DAPK2: variants seen among roughly 807,000 people sequenced by gnomAD.
DAPK2 encodes the protein death associated protein kinase 2.
Under a neutral mutation model 44.1 loss-of-function variants are expected in DAPK2, and 35 were observed. The ratio of observed to expected loss-of-function variants is 0.79; its 90% CI spans 0.61 to 1.05. The LOEUF is 1.05. Ranked by LOEUF, DAPK2 falls within the 50% of genes least tolerant of loss-of-function variation. DAPK2 has a pLI of 0.00. For synonymous variants in DAPK2, 174 were observed against 182.6 expected, an observed-to-expected ratio of 0.95 and a Z score of 0.38; for missense variants, 453 against 483.2, an observed-to-expected ratio of 0.94 and a Z score of 0.59.
chr15:63,942,300 T>C (rs1017079049), intron 3 of DAPK2: 3 of 979,096 alleles, frequency 3.1e-6, no homozygotes, highest in African/African-American at 3.5e-5. Flanking sequence ...CATGTAATCC[T>C]AGCACTTTGG....
intron 3 of DAPK2, among the ~76,000 whole-genome samples, chr15:63,961,773 C>T (rs910481721): frequency 3.9e-5 from 6 of 152,174 alleles, no homozygotes; most frequent in African/African-American, 1.4e-4. Context: ...CTGCCATTAA[C>T]ATTTTTTTCC....
At chr15:64,004,082 TTCTC>T (rs143683927) in intron 1 of DAPK2, among the ~76,000 whole-genome samples, 73 of 147,768 alleles carry the variant, frequency 4.9e-4, no homozygotes, top group Non-Finnish European at 8.1e-4. Flanking sequence ...CTTTAGGTTC[TTCTC>T]TCTCTCTCTC....
chr15:64,041,656 C>A (rs139827882), upstream of DAPK2, among the ~76,000 whole-genome samples: 166 of 152,360 alleles, frequency 1.1e-3, 1 homozygote, highest in African/African-American at 3.8e-3. Flanking sequence ...CCCAACCACA[C>A]ATGGGCTCCA....
At position 63,990,640 on chromosome 15, in the gene DAPK2, A is replaced by G. The variant is rs1226375849; in HGVS notation, c.93-6886T>C. Among the ~76,000 whole-genome samples, 1 of 152,176 alleles carries G rather than the reference A, an allele frequency of 6.6e-6. No individual in the cohort carries two copies. Among genetic ancestry groups the G allele is most frequent in the African/African-American group, 2.4e-5 (1 of 41,454 alleles). ...TACCAAATGGGAAGTGTTCCAAAGC[A>G]GAGGGTCGCGGAGACTGGCTTCCTC... On this transcript the variant is annotated intron_variant, in intron 1 of 10. Transcript: ENST00000261891. This position sits in a 1 kb window ranked among gnomAD's most constrained non-coding sequence, Gnocchi z 4.3.
intron 3 of DAPK2, among the ~76,000 whole-genome samples, chr15:63,959,175 G>A (rs2077814869): frequency 6.6e-6 from 1 of 152,180 alleles, no homozygotes; most frequent in East Asian, 1.9e-4. Flanking sequence ...TTGTGTACAA[G>A]AATGCTTGTG....
intron 3 of DAPK2, among the ~76,000 whole-genome samples, chr15:63,947,928 T>C (rs4283175): frequency 0.4 from 60,920 of 151,484 alleles, 12,829 homozygotes; most frequent in African/African-American, 0.46. Flanking sequence ...GCTCTGTGAG[T>C]GAGTCTTGCC....
chr15:63,996,583 T>C (rs1325223779), intron 1 of DAPK2, among the ~76,000 whole-genome samples: 2 of 152,236 alleles, frequency 1.3e-5, no homozygotes, highest in Non-Finnish European at 2.9e-5. Context: ...CCTCTCATCA[T>C]AGGTTGCCTC....
intron 6 of DAPK2, chr15:63,926,348 AAC>A: frequency 2.5e-6 from 1 of 407,784 alleles, no homozygotes. Context: ...AGGGGAGAGA[AAC>A]ACAGAGACAT....
intron 1 of DAPK2, among the ~76,000 whole-genome samples, chr15:64,008,199 A>G (rs1485494929): frequency 1.0e-5 from 1 of 99,108 alleles, no homozygotes; most frequent in East Asian, 8.8e-4. Flanking sequence ...TGAATTGTAT[A>G]TAAATTATAT....
chr15:63,947,014 G>A (rs2077466268), intron 3 of DAPK2, among the ~76,000 whole-genome samples: 1 of 152,008 alleles, frequency 6.6e-6, no homozygotes, highest in South Asian at 2.1e-4. Context: ...TCTTCAGTGT[G>A]GCCCATGCCC....
intron 4 of DAPK2, among the ~76,000 whole-genome samples, chr15:63,934,371 C>T (rs573026509): frequency 6.7e-6 from 1 of 149,964 alleles, no homozygotes; most frequent in Non-Finnish European, 1.5e-5. Context: ...ATTCTCCTGC[C>T]TCAGCCTCCC....
intron 3 of DAPK2, 125 bp downstream of exon 4, chr15:63,971,298 G>T: frequency 8.3e-7 from 1 of 1,203,756 alleles, no homozygotes; most frequent in South Asian, 1.5e-5. Context: ...ATGAGCTCAG[G>T]GTTTTTCACT....
At chr15:63,999,964 G>A (rs1320768456) in intron 1 of DAPK2, among the ~76,000 whole-genome samples, 11 of 151,836 alleles carry the variant, frequency 7.2e-5, no homozygotes, top group Middle Eastern at 6.8e-3. Context: ...ATGGGGTTTC[G>A]CCATGTTGCC....
Position 63,939,307 on chromosome 15 carries a change from T to C in DAPK2, c.508A>G (p.Ile170Val). ...ATTTCGTGAGCCAGACCAAAGTCAA[T>C]CAGCTTGATGTGTGGAATGGGAATA... The change falls in exon 4 of 11, where the codon ATT becomes GTT. Residue 170 changes from isoleucine (I) to valine (V), a missense_variant. Ile to Val is a conservative substitution (Grantham distance 29, BLOSUM62 3). Transcript: ENST00000261891. This position sits in a 1 kb window ranked among gnomAD's most constrained non-coding sequence, Gnocchi z 4.3. 1 of 1,612,884 alleles carries C rather than the reference T, an allele frequency of 6.2e-7. No homozygotes were observed. The highest frequency in any genetic ancestry group is 8.5e-7 in the Non-Finnish European group (1 of 1,179,898).
At chr15:63,918,963 T>C (rs1175215174) in intron 8 of DAPK2, 1 of 152,322 alleles carries the variant, frequency 6.6e-6, no homozygotes, top group Non-Finnish European at 1.5e-5. Context: ...AAACAGTCCA[T>C]TCTCACAGCC....
At chr15:63,929,574 G>C (rs1454687800) in exon 6 of DAPK2, 5 of 1,614,026 alleles carry the variant, frequency 3.1e-6, no homozygotes, top group South Asian at 1.1e-5. Context: ...TGACGCCTAT[G>C]CTCCTGCAAA....
At chr15:63,927,109 C>T (rs1320942575) in intron 6 of DAPK2, among the ~76,000 whole-genome samples, 2 of 152,144 alleles carry the variant, frequency 1.3e-5, no homozygotes, top group Admixed American at 1.3e-4. Flanking sequence ...AATAAAATTC[C>T]CACCTCATGT....
At chr15:63,945,188 G>C (rs2077416979) in intron 3 of DAPK2, among the ~76,000 whole-genome samples, 1 of 152,056 alleles carries the variant, frequency 6.6e-6, no homozygotes, top group Non-Finnish European at 1.5e-5. Flanking sequence ...ACTTCTCCCT[G>C]AGCTTCCCCC....
intron 1 of DAPK2, among the ~76,000 whole-genome samples, chr15:63,984,187 A>T (rs2078608746): frequency 6.6e-6 from 1 of 152,164 alleles, no homozygotes; most frequent in Admixed American, 6.5e-5. Flanking sequence ...TAATCATCAT[A>T]GTGGGGGAGC....
Sources: gnomAD v4.1 joint callset for allele counts (sites outside exome capture counted in the v4.1 genomes callset) on GRCh38, gnomAD v4.1.1 for gene constraint, Gnocchi (gnomAD v3.1) non-coding constraint, MANE v1.5 for transcripts, NCBI Gene and HGNC (gene_info 2026-07-23, HGNC 2026-07-21) for gene names.